NCALD: variants seen among roughly 807,000 people sequenced by gnomAD.
The protein encoded by NCALD is neurocalcin-delta.
NCALD carries 10 observed loss-of-function variants against 18.6 expected under a neutral mutation model. The ratio of observed to expected loss-of-function variants is 0.54; its 90% CI spans 0.33 to 0.91. The LOEUF (loss-of-function observed/expected upper bound fraction) is 0.91, where lower values mean the gene tolerates loss of function less well. Ranked by LOEUF, NCALD falls within the 40% of genes least tolerant of loss-of-function variation. The pLI is 0.03. For synonymous variants in NCALD, 88 were observed against 87.4 expected (o/e 1.01, Z -0.04); for missense variants, 184 against 247.6 (o/e 0.74, Z 1.72).
intron 2 of NCALD, among the ~76,000 whole-genome samples, chr8:101,933,876 C>T (rs527367172): frequency 2.4e-4 from 37 of 152,118 alleles, no homozygotes; most frequent in African/African-American, 8.4e-4. Context: ...ATCATTAGCA[C>T]GTAAGTGATG....
At chr8:101,983,329 G>A (rs1363491476) in intron 2 of NCALD, among the ~76,000 whole-genome samples, 1 of 152,156 alleles carries the variant, frequency 6.6e-6, no homozygotes. Flanking sequence ...TTTAGGAAAG[G>A]TTATTTCTAA....
chr8:102,109,356 T>C (rs186009081), intron 1 of NCALD, among the ~76,000 whole-genome samples: 1 of 152,252 alleles, frequency 6.6e-6, no homozygotes, highest in East Asian at 1.9e-4. Context: ...CATCAGTAAG[T>C]TAAAGGAGAA....
intron 2 of NCALD, among the ~76,000 whole-genome samples, chr8:102,018,288 G>A (rs1822157384): frequency 6.6e-6 from 1 of 152,176 alleles, no homozygotes; most frequent in Non-Finnish European, 1.5e-5. Context: ...ACAAAGGCCT[G>A]TTCATGAATG....
chr8:101,891,873 A>G (rs369484942), intron 3 of NCALD, among the ~76,000 whole-genome samples: 4 of 152,162 alleles, frequency 2.6e-5, no homozygotes, highest in Non-Finnish European at 4.4e-5. Context: ...CGCCCACGGA[A>G]TCTCGCTGAT....
chr8:101,694,376 A>G (rs746574924), intron 2 of NCALD: 15 of 152,210 alleles, frequency 9.9e-5, no homozygotes, highest in Non-Finnish European at 1.3e-4. Context: ...CAACCCTGCC[A>G]GAAGTTCCTA....
intron 1 of NCALD, among the ~76,000 whole-genome samples, chr8:102,120,861 G>A (rs1170524511): frequency 1.3e-5 from 2 of 152,176 alleles, no homozygotes; most frequent in Admixed American, 6.5e-5. Context: ...CATTGTTGTG[G>A]TAGAAAGTTC....
At chr8:101,958,577 C>A (rs926623943) in intron 2 of NCALD, among the ~76,000 whole-genome samples, 1 of 152,072 alleles carries the variant, frequency 6.6e-6, no homozygotes, top group Admixed American at 6.6e-5. Flanking sequence ...TTGCCATATG[C>A]CAGAACCTGT....
At chr8:102,040,858 C>A (rs1043380090) in intron 1 of NCALD, among the ~76,000 whole-genome samples, 2 of 152,164 alleles carry the variant, frequency 1.3e-5, no homozygotes, top group South Asian at 2.1e-4. Context: ...AAAGATTACA[C>A]CACCAAGCCA....
At chr8:101,764,053 T>G (rs1811241947) in intron 1 of NCALD, among the ~76,000 whole-genome samples, 1 of 148,490 alleles carries the variant, frequency 6.7e-6, no homozygotes, top group African/African-American at 2.5e-5. Flanking sequence ...CCTTAAATAA[T>G]GCACTGAGCT....
At chr8:101,782,421 T>C (rs1300573932) in intron 1 of NCALD, among the ~76,000 whole-genome samples, 2 of 152,172 alleles carry the variant, frequency 1.3e-5, no homozygotes, top group Admixed American at 6.5e-5. Context: ...TTAAATGAGC[T>C]GTGTAAAGAA....
At chr8:101,804,176 A>G (rs1401841538) in intron 4 of NCALD, among the ~76,000 whole-genome samples, 2 of 151,486 alleles carry the variant, frequency 1.3e-5, no homozygotes, top group Non-Finnish European at 2.9e-5. Flanking sequence ...GTGAAAATGC[A>G]TTATTAGCAT....
chr8:101,932,875 G>A (rs147499896), intron 2 of NCALD, among the ~76,000 whole-genome samples: 150 of 152,206 alleles, frequency 9.9e-4, no homozygotes, highest in African/African-American at 3.5e-3. Flanking sequence ...ATAAATTATA[G>A]GCAGTTCAGA....
chr8:101,925,029 G>A (rs1818288787), intron 2 of NCALD, among the ~76,000 whole-genome samples: 1 of 152,024 alleles, frequency 6.6e-6, no homozygotes, highest in African/African-American at 2.4e-5. Context: ...ATATCTCAGA[G>A]TTGGTTTTAA....
Position 101,691,762 on chromosome 8 carries a change from C to T in NCALD, c.484+1029G>A, listed in dbSNP as rs1009355467. On this transcript the variant is annotated intron_variant, in intron 3 of 3. Transcript: ENST00000220931. ...AGATTCTTAGGCAGCTGTACCTGGG[C>T]GGGGGATAAAAGGAGACAGAGGCTC... is the stretch of plus-strand genomic sequence containing the variant. 6.1e-6 allele frequency: 6 copies of T among 985,290 alleles called. 1 individual carries two copies. The highest frequency in any genetic ancestry group is 1.0e-3 in the Middle Eastern group (2 of 1,914). 61.0% of individuals were successfully genotyped at this position (985,290 alleles called of 1,614,324 possible).
intron 3 of NCALD, among the ~76,000 whole-genome samples, chr8:101,893,417 A>T (rs1220680859): frequency 1.3e-5 from 2 of 150,422 alleles, no homozygotes; most frequent in African/African-American, 2.5e-5. Flanking sequence ...TCATGCCAAA[A>T]TGTAAAGACC....
intron 2 of NCALD, among the ~76,000 whole-genome samples, chr8:101,993,648 G>A (rs1252863290): frequency 6.6e-6 from 1 of 152,158 alleles, no homozygotes; most frequent in East Asian, 1.9e-4. Context: ...TCCTACTACT[G>A]CCTCTCCCTA....
intron 3 of NCALD, among the ~76,000 whole-genome samples, chr8:101,901,584 T>G (rs1004226536): frequency 6.6e-6 from 1 of 152,236 alleles, no homozygotes; most frequent in South Asian, 2.1e-4. Context: ...CTTACCAGAG[T>G]GTATTGGTAG....
intron 1 of NCALD, among the ~76,000 whole-genome samples, chr8:102,026,891 T>C (rs1174596642): frequency 6.6e-6 from 1 of 152,188 alleles, no homozygotes; most frequent in East Asian, 1.9e-4. Flanking sequence ...ATTCTTGACT[T>C]CTGTGCACCC....
rs369854596 is a variant in NCALD at position 101,692,302 on chromosome 8, C to T, written c.484+489G>A. On this transcript the variant is annotated intron_variant, in intron 3 of 3. Coordinates refer to ENST00000220931, the MANE Select transcript of NCALD (RefSeq NM_032041.3). Reference sequence around the variant, plus strand: ...CCGGGCACCCCAGTGACTATGGGAGCCCACTGTCTCTGGGAAACACAACAT... The same window carrying T: ...CCGGGCACCCCAGTGACTATGGGAGTCCACTGTCTCTGGGAAACACAACAT... 521 of 985,402 alleles carry T rather than the reference C, an allele frequency of 5.3e-4. 2 individuals carry two copies. The African/African-American group carries it at 8.5e-3, about 16-fold the overall frequency. 61.0% of individuals were successfully genotyped at this position (985,402 alleles called of 1,614,324 possible). A position where few individuals can be genotyped will look rare whatever the true frequency, so the allele number is the denominator to read the frequency against.
Sources: gnomAD v4.1 joint callset for allele counts (sites outside exome capture counted in the v4.1 genomes callset) on GRCh38, gnomAD v4.1.1 for gene constraint, MANE v1.5 for transcripts, NCBI Gene and HGNC (gene_info 2026-07-23, HGNC 2026-07-21) for gene names.